The following RNF152 variants were observed in gnomAD, a reference collection of about 807,000 sequenced individuals.
RNF152 encodes the protein E3 ubiquitin-protein ligase RNF152.
Under a neutral mutation model 12.7 loss-of-function variants are expected in RNF152, and 11 were observed. The ratio of observed to expected loss-of-function variants is 0.86; its 90% CI spans 0.54 to 1.43. The LOEUF is 1.43. Among genes scored for constraint, RNF152 ranks in the 40% most tolerant of loss-of-function variants. The probability of loss-of-function intolerance (pLI) is 0.00; values close to 1 mark genes in which losing one functional copy is unlikely to be tolerated. For synonymous variants in RNF152, 113 were observed against 120.3 expected, an observed-to-expected ratio of 0.94 and a Z score of 0.40; for missense variants, 255 against 274.8, an observed-to-expected ratio of 0.93 and a Z score of 0.51.
chr18:61,834,198 G>T (rs553235372), intron 1 of RNF152, among the ~76,000 whole-genome samples: 2 of 152,290 alleles, frequency 1.3e-5, no homozygotes, highest in Admixed American at 1.3e-4. Context: ...TCTCTAAGCC[G>T]TTCTTTCTCT....
Position 61,816,603 on chromosome 18 carries a change from G to T in RNF152, c.-135-5C>A, listed in dbSNP as rs1214988672. ...TACTCACAGGTGTGTTCATTTCTGA[G>T]AGAGACAAATAATGCAAACAATCTT... is the stretch of plus-strand genomic sequence containing the variant. On this transcript the variant is annotated splice_region_variant and splice_polypyrimidine_tract_variant and intron_variant, in intron 1 of 1. Coordinates refer to ENST00000312828, the MANE Select transcript of RNF152 (RefSeq NM_173557.3). The T allele has an allele frequency of 2.4e-6, 2 of 820,530 alleles. No homozygotes were observed. Among genetic ancestry groups the T allele is most frequent in the African/African-American group, 1.7e-5 (1 of 58,374 alleles). 50.8% of individuals were successfully genotyped at this position (820,530 alleles called of 1,614,324 possible). A position where few individuals can be genotyped will look rare whatever the true frequency, so the allele number is the denominator to read the frequency against.
intron 1 of RNF152, among the ~76,000 whole-genome samples, chr18:61,819,858 T>C (rs1599260884): frequency 6.6e-6 from 1 of 151,110 alleles, no homozygotes; most frequent in East Asian, 2.0e-4. Flanking sequence ...CTGTCTCTAC[T>C]AAAAATAAAA....
chr18:61,862,860 G>A (rs1355684241), intron 1 of RNF152, among the ~76,000 whole-genome samples: 1 of 152,152 alleles, frequency 6.6e-6, no homozygotes, highest in African/African-American at 2.4e-5. Flanking sequence ...TGGTGTGTGG[G>A]TAGGGGCAGT....
At chr18:61,879,914 G>C (rs1011614526) in intron 1 of RNF152, among the ~76,000 whole-genome samples, 2 of 151,116 alleles carry the variant, frequency 1.3e-5, no homozygotes, top group Non-Finnish European at 1.5e-5. Context: ...GCAGTGAGCC[G>C]AGATCCCGCC....
At chr18:61,821,808 T>G (rs1451865176) in intron 1 of RNF152, among the ~76,000 whole-genome samples, 1 of 152,052 alleles carries the variant, frequency 6.6e-6, no homozygotes, top group African/African-American at 2.4e-5. Flanking sequence ...TACTGTGAAC[T>G]TCACATGCAA....
At chr18:61,844,102 G>GAA (rs1555702341) in intron 1 of RNF152, among the ~76,000 whole-genome samples, 2 of 136,382 alleles carry the variant, frequency 1.5e-5, no homozygotes, top group Non-Finnish European at 3.2e-5. Flanking sequence ...AAGAAAGAAA[G>GAA]AAAGAAAGAA....
At chr18:61,847,820 T>A (rs550793170) in intron 1 of RNF152, among the ~76,000 whole-genome samples, 144 of 152,146 alleles carry the variant, frequency 9.5e-4, no homozygotes, top group African/African-American at 3.2e-3. Context: ...CACCTACTCT[T>A]CCCTCTGCTT....
At chr18:61,841,757 ACTAGT>A (rs1893880850) in intron 1 of RNF152, among the ~76,000 whole-genome samples, 1 of 152,234 alleles carries the variant, frequency 6.6e-6, no homozygotes, top group African/African-American at 2.4e-5. Context: ...CTGGTCTTAG[ACTAGT>A]GCTTCTCAAT....
At chr18:61,820,478 T>A (rs545375439) in intron 1 of RNF152, among the ~76,000 whole-genome samples, 1 of 151,900 alleles carries the variant, frequency 6.6e-6, no homozygotes, top group Non-Finnish European at 1.5e-5. Context: ...CAGGTGAAAG[T>A]GCACAGACAG....
At chr18:61,893,415 A>T (rs1453367706), upstream of RNF152, 1 of 152,206 alleles carries the variant, frequency 6.6e-6, no homozygotes, top group African/African-American at 2.4e-5. Context: ...AGTCACCGTC[A>T]CTCTGCTTTG....
rs34966668 is a variant in RNF152, at chr18:61,808,387, T to TAAAAAAAAA, written c.*7456_*7464dup. ...TTTATCTGTAGGGCTATTTGGCCCT[T>TAAAAAAAAA]AAAAAAAAAAAAAAAAAAAAAAAAA... On this transcript the variant is annotated 3_prime_UTR_variant, in exon 2 of 2. Coordinates refer to ENST00000312828, the MANE Select transcript of RNF152 (RefSeq NM_173557.3). The TAAAAAAAAA allele has an allele frequency of 8.9e-4, 45 of 50,784 alleles. No homozygotes were observed. The highest frequency in any genetic ancestry group is 2.3e-3 in the African/African-American group (33 of 14,110). The allele number at this position is 50,784 out of a possible 1,614,324, so 3.1% of individuals were successfully genotyped here.
In RNF152 at chr18:61,812,545, AT is replaced by A. The variant is rs1356538046; in HGVS notation, c.*3306del. On this transcript the variant is annotated 3_prime_UTR_variant, in exon 2 of 2. Coordinates refer to ENST00000312828, the MANE Select transcript of RNF152 (RefSeq NM_173557.3). ...CTTATGCCCCAAGTCATTATACAAAATTTTTCCAAAGACAATGCTTCTTAGT... is the reference window on the plus strand; with the variant it reads ...CTTATGCCCCAAGTCATTATACAAAATTTTCCAAAGACAATGCTTCTTAGT... The A allele has an allele frequency of 6.6e-6, 1 of 152,148 alleles. No homozygotes were observed. The highest frequency in any genetic ancestry group is 2.4e-5 in the African/African-American group (1 of 41,438). The allele number at this position is 152,148 out of a possible 1,614,324, so 9.4% of individuals were successfully genotyped here.
At chr18:61,823,082 G>A (rs1351093852) in intron 1 of RNF152, among the ~76,000 whole-genome samples, 1 of 152,208 alleles carries the variant, frequency 6.6e-6, no homozygotes, top group Non-Finnish European at 1.5e-5. Context: ...TCCTCTGGTA[G>A]CAAAGAGCAA....
intron 1 of RNF152, among the ~76,000 whole-genome samples, chr18:61,818,055 T>A (rs1202615142): frequency 1.3e-5 from 2 of 152,310 alleles, no homozygotes; most frequent in East Asian, 1.9e-4. Flanking sequence ...CCTTTCCAAT[T>A]TCCTTTGTGA....
chr18:61,836,246 A>T (rs1441406205), intron 1 of RNF152, among the ~76,000 whole-genome samples: 1 of 152,116 alleles, frequency 6.6e-6, no homozygotes, highest in Non-Finnish European at 1.5e-5. Context: ...GGACATGGGG[A>T]CATGTCAAAA....
Position 61,816,599 on chromosome 18 carries a change from C to G in RNF152, c.-135-1G>C. On this transcript the variant is annotated splice_acceptor_variant, in intron 1 of 1. Coordinates refer to ENST00000312828, the MANE Select transcript of RNF152 (RefSeq NM_173557.3). LOFTEE classifies it low-confidence loss of function (5UTR_SPLICE). ...CCAGTACTCACAGGTGTGTTCATTT[C>G]TGAGAGAGACAAATAATGCAAACAA... 1.2e-6 allele frequency: 1 copy of G among 838,214 alleles called. No individual in the cohort carries two copies. The highest frequency in any genetic ancestry group is 1.9e-6 in the Non-Finnish European group (1 of 529,020). 51.9% of individuals were successfully genotyped at this position (838,214 alleles called of 1,614,324 possible). A position where few individuals can be genotyped will look rare whatever the true frequency, so the allele number is the denominator to read the frequency against.
intron 1 of RNF152, among the ~76,000 whole-genome samples, chr18:61,863,001 G>A (rs953530872): frequency 2.6e-5 from 4 of 151,602 alleles, no homozygotes; most frequent in African/African-American, 9.7e-5. Context: ...TGAGAACAAA[G>A]AAAAAACAGA....
chr18:61,836,982 G>A (rs1406893829), intron 1 of RNF152, among the ~76,000 whole-genome samples: 1 of 152,194 alleles, frequency 6.6e-6, no homozygotes, highest in Non-Finnish European at 1.5e-5. Context: ...CTTACTAAAT[G>A]ATAAAGAGAG....
Position 61,810,762 on chromosome 18 carries a change from C to T in RNF152, c.*5090G>A, listed in dbSNP as rs1339990586. ...CAAAACAGCTACTGAATTATCTCGACTATCTTATTATTCTCAATAGTTTCT... is the reference window on the plus strand; with the variant it reads ...CAAAACAGCTACTGAATTATCTCGATTATCTTATTATTCTCAATAGTTTCT... On this transcript the variant is annotated 3_prime_UTR_variant, in exon 2 of 2. Transcript: ENST00000312828. The T allele has an allele frequency of 1.3e-5, 2 of 152,198 alleles. No individual in the cohort carries two copies. The highest frequency in any genetic ancestry group is 6.5e-5 in the Admixed American group (1 of 15,290). The allele number at this position is 152,198 out of a possible 1,614,324, so 9.4% of individuals were successfully genotyped here. A position where few individuals can be genotyped will look rare whatever the true frequency, so the allele number is the denominator to read the frequency against.
Sources: allele counts gnomAD v4.1 joint callset (sites outside exome capture counted in the v4.1 genomes callset), GRCh38; gene constraint gnomAD v4.1.1; transcripts MANE v1.5; gene names NCBI Gene and HGNC (gene_info 2026-07-23, HGNC 2026-07-21).